Variants in EYS observed in about 807,000 individuals in gnomAD.
The protein encoded by EYS is protein eyes shut homolog.
A neutral mutation model predicts 282.1 loss-of-function variants in EYS; 250 were observed. The observed-to-expected ratio is 0.89, with a 90% confidence interval of 0.80 to 0.98. EYS has a LOEUF of 0.98. Ranked by LOEUF, EYS falls within the 50% of genes least tolerant of loss-of-function variation. The probability of loss-of-function intolerance (pLI) is 0.00; values close to 1 mark genes in which losing one functional copy is unlikely to be tolerated. For missense variants in EYS, 4,016 were observed against 3,709.0 expected, an observed-to-expected ratio of 1.08 and a Z score of -2.15; for synonymous variants, 1,355 against 1,282.9, an observed-to-expected ratio of 1.06 and a Z score of -1.20.
intron 12 of EYS, among the ~76,000 whole-genome samples, chr6:65,111,865 C>T (rs961530699): frequency 3.3e-5 from 5 of 152,074 alleles, no homozygotes; most frequent in African/African-American, 4.8e-5. Flanking sequence ...AAAAAGTTAC[C>T]CATGTTAACT....
chr6:64,050,146 T>G (rs1183829613), intron 33 of EYS, among the ~76,000 whole-genome samples: 1 of 152,186 alleles, frequency 6.6e-6, no homozygotes, highest in Non-Finnish European at 1.5e-5. Flanking sequence ...CAGAGATATA[T>G]TTATGTTCAT....
intron 2 of EYS, among the ~76,000 whole-genome samples, chr6:65,557,631 T>G (rs1190620388): frequency 6.6e-6 from 1 of 152,138 alleles, no homozygotes; most frequent in Non-Finnish European, 1.5e-5. Flanking sequence ...TCTTACAGTC[T>G]GGGAGTGCGT....
chr6:64,604,852 C>A (rs929510192), intron 24 of EYS, among the ~76,000 whole-genome samples: 2 of 151,956 alleles, frequency 1.3e-5, no homozygotes, highest in Non-Finnish European at 2.9e-5. Context: ...AAGGTTAATA[C>A]TAGAGACAGA....
At chr6:63,994,966 A>C (rs915814418) in intron 34 of EYS, among the ~76,000 whole-genome samples, 1 of 151,968 alleles carries the variant, frequency 6.6e-6, no homozygotes, top group Non-Finnish European at 1.5e-5. Context: ...TAGTTTTGAC[A>C]ATGATTTCTT....
At chr6:64,086,346 C>G (rs1772156982) in intron 31 of EYS, among the ~76,000 whole-genome samples, 1 of 152,144 alleles carries the variant, frequency 6.6e-6, no homozygotes, top group African/African-American at 2.4e-5. Context: ...GCTTTCCTTC[C>G]TACAGTGTCT....
intron 41 of EYS, among the ~76,000 whole-genome samples, chr6:63,757,245 T>C (rs1769512114): frequency 6.6e-6 from 1 of 152,026 alleles, no homozygotes; most frequent in African/African-American, 2.4e-5. Context: ...ATGGCCGCTC[T>C]GGCAGTGTCT....
intron 23 of EYS, among the ~76,000 whole-genome samples, chr6:64,622,708 G>T (rs1423369807): frequency 6.6e-6 from 1 of 152,104 alleles, no homozygotes; most frequent in Non-Finnish European, 1.5e-5. Context: ...TTCCACAACT[G>T]AAGAAAATGG....
In EYS at chr6:63,807,547, TTTG is replaced by T. The variant is rs375875636; in HGVS notation, c.7229-1178_7229-1176del. ...ATATTTGTGTGAATAAACTGAATAC[TTTG>T]TTTTGATATTTTATTAAAATCTTAT... On this transcript the variant is annotated intron_variant, in intron 36 of 42. Coordinates refer to ENST00000503581, the MANE Select transcript of EYS (RefSeq NM_001142800.2). Among the ~76,000 whole-genome samples, 677 of 152,306 alleles carry T rather than the reference TTTG, an allele frequency of 4.4e-3. 7 individuals carry two copies. The highest frequency in any genetic ancestry group is 0.016 in the African/African-American group (649 of 41,564).
intron 30 of EYS, among the ~76,000 whole-genome samples, chr6:64,295,154 C>A (rs1372679716): frequency 6.6e-6 from 1 of 151,014 alleles, no homozygotes; most frequent in African/African-American, 2.4e-5. Context: ...GCGGGGGGAT[C>A]ACGAGGTCAG....
intron 34 of EYS, among the ~76,000 whole-genome samples, chr6:63,988,163 C>G (rs1767451968): frequency 6.6e-6 from 1 of 151,630 alleles, no homozygotes; most frequent in African/African-American, 2.4e-5. Flanking sequence ...AAACTATTAG[C>G]AGATCTGTCT....
chr6:65,511,754 A>G (rs1353947242), intron 2 of EYS, among the ~76,000 whole-genome samples: 1 of 152,060 alleles, frequency 6.6e-6, no homozygotes, highest in Non-Finnish European at 1.5e-5. Flanking sequence ...GAAGTTCAAG[A>G]CCAGCCTGGT....
At chr6:65,279,551 T>C (rs1768159433) in intron 12 of EYS, among the ~76,000 whole-genome samples, 2 of 152,174 alleles carry the variant, frequency 1.3e-5, no homozygotes, top group Admixed American at 1.3e-4. Flanking sequence ...TCATCTGTGT[T>C]TTCTTCTTTT....
At chr6:64,951,019 C>A (rs2150099710) in intron 14 of EYS, among the ~76,000 whole-genome samples, 1 of 151,298 alleles carries the variant, frequency 6.6e-6, no homozygotes, top group Middle Eastern at 3.4e-3. Flanking sequence ...GCAGCAGCTT[C>A]TTTGAATGAA....
At chr6:65,144,878 C>A (rs1764438757) in intron 12 of EYS, among the ~76,000 whole-genome samples, 1 of 151,852 alleles carries the variant, frequency 6.6e-6, no homozygotes, top group South Asian at 2.1e-4. Context: ...GATTCTCCTG[C>A]CTCAGCCTCC....
chr6:64,151,073 G>GT (rs1255317241), intron 31 of EYS, among the ~76,000 whole-genome samples: 1 of 149,160 alleles, frequency 6.7e-6, no homozygotes, highest in African/African-American at 2.5e-5. Flanking sequence ...TTTTGTTTAA[G>GT]TATACAAATA....
intron 33 of EYS, among the ~76,000 whole-genome samples, chr6:64,010,398 G>C (rs11759618): frequency 2.7e-5 from 4 of 148,752 alleles, no homozygotes; most frequent in Non-Finnish European, 4.5e-5. Flanking sequence ...TTGGTTGGGG[G>C]GGGGGGTGGT....
At chr6:64,104,906 AC>A (rs1310768310) in intron 31 of EYS, among the ~76,000 whole-genome samples, 3 of 152,218 alleles carry the variant, frequency 2.0e-5, no homozygotes, top group East Asian at 3.9e-4. Flanking sequence ...TATAAACTGT[AC>A]AAATCGGCTA....
At chr6:63,984,909 T>A (rs1248893901) in intron 34 of EYS, among the ~76,000 whole-genome samples, 1 of 151,912 alleles carries the variant, frequency 6.6e-6, no homozygotes, top group South Asian at 2.1e-4. Flanking sequence ...TGTGTTTGCA[T>A]TTTAGTGTAA....
At chr6:64,817,170 A>G (rs1447343787) in intron 21 of EYS, among the ~76,000 whole-genome samples, 1 of 152,074 alleles carries the variant, frequency 6.6e-6, no homozygotes, top group African/African-American at 2.4e-5. Flanking sequence ...ATGGACTCCA[A>G]CTCAAACCCT....
Sources: gnomAD v4.1 joint callset for allele counts (sites outside exome capture counted in the v4.1 genomes callset) on GRCh38, gnomAD v4.1.1 for gene constraint, MANE v1.5 for transcripts, NCBI Gene and HGNC (gene_info 2026-07-23, HGNC 2026-07-21) for gene names.